Variants in MDN1 observed in about 807,000 individuals in gnomAD.
MDN1 encodes the protein midasin AAA ATPase 1, also known as midasin.
A neutral mutation model predicts 669.2 loss-of-function variants in MDN1; 266 were observed. The observed-to-expected ratio is 0.40, with a 90% CI of 0.36 to 0.44. The LOEUF (loss-of-function observed/expected upper bound fraction) is 0.44. Among genes scored for constraint, MDN1 ranks in the 20% least tolerant of loss-of-function variants. MDN1 has a pLI of 1.00. For synonymous variants in MDN1, 2,385 were observed against 2,457.1 expected (o/e 0.97, Z 0.87); for missense variants, 5,940 against 6,754.0 (o/e 0.88, Z 4.22).
intron 46 of MDN1, 135 bp from the exon 47 acceptor site, chr6:89,713,431 G>T: frequency 1.3e-6 from 1 of 782,038 alleles, no homozygotes; most frequent in Non-Finnish European, 2.0e-6. Flanking sequence ...AACATTCCAA[G>T]TAGACTCTAG....
intron 91 of MDN1, 48 bp from the exon 92 acceptor site, chr6:89,656,016 A>G: frequency 6.5e-7 from 1 of 1,534,038 alleles, no homozygotes. Context: ...TCATGACAAA[A>G]GGACTCAAAG....
chr6:89,808,809 GCTAC>G (rs1335034767), intron 1 of MDN1, among the ~76,000 whole-genome samples: 1 of 152,132 alleles, frequency 6.6e-6, no homozygotes. Flanking sequence ...CCAATCCTAT[GCTAC>G]CTACCTTTCA....
chr6:89,650,914 G>T (rs769318452), intron 95 of MDN1, 67 bp from the exon 96 acceptor site: 51 of 1,342,246 alleles, frequency 3.8e-5, no homozygotes, highest in Non-Finnish European at 5.3e-5. Flanking sequence ...CTAGCAAGAT[G>T]CAGGCTTTAA....
At position 89,803,895 on chromosome 6, in the gene MDN1, C is replaced by CT. The variant is rs56246331; in HGVS notation, c.103-342dup. 6.5e-3 allele frequency among the ~76,000 whole-genome samples: 495 copies of CT among 76,364 alleles called. 1 individual carries two copies. Among genetic ancestry groups the CT allele is most frequent in the South Asian group, 0.013 (24 of 1,888 alleles). The allele number at this position is 76,364 out of a possible 152,430, so 50.1% of individuals were successfully genotyped here. ...CGCGCCCGGCCTTTTCTTTTCTTTT[C>CT]TTTTTTTTTTTTTTTTTTTTTTTGG... On this transcript the variant is annotated intron_variant, in intron 1 of 101. Transcript: ENST00000369393.
intron 38 of MDN1, 105 bp downstream of exon 38, chr6:89,725,094 C>T (rs1562145209): frequency 9.8e-7 from 1 of 1,019,014 alleles, no homozygotes. Flanking sequence ...GATCATTAAG[C>T]TGATCCTCTC....
At position 89,716,716 on chromosome 6, in the gene MDN1, T is replaced by C; in HGVS notation, c.6677A>G (p.Asp2226Gly). 1 of 1,614,112 alleles carries C rather than the reference T, an allele frequency of 6.2e-7. No individual in the cohort carries two copies. The highest frequency in any genetic ancestry group is 8.5e-7 in the Non-Finnish European group (1 of 1,179,966). ...GHSHGTFEWVDSMLVQALKSG... is the reference protein window; with the variant it reads ...GHSHGTFEWVGSMLVQALKSG... ...CTTCAGGGCCTGAACCAACATGCTG[T>C]CAACCCATTCAAATGTGCCATGGCT... The change falls in exon 44 of 102, where the codon GAC becomes GGC. Residue 2226 changes from aspartate to glycine, a missense_variant. Coordinates refer to ENST00000369393, the MANE Select transcript of MDN1 (RefSeq NM_014611.3).
At position 89,719,018 on chromosome 6, in the gene MDN1, C is replaced by T; in HGVS notation, c.6070G>A (p.Val2024Ile). Reference sequence around the variant, plus strand: ...GGAACACAGCTCCCACGGGAAAGGACTGAGTAGCCCAACTGAAAAGACATG... The same window carrying T: ...GGAACACAGCTCCCACGGGAAAGGATTGAGTAGCCCAACTGAAAAGACATG... ...TPYDVQLGYSVLSRGSCVPHP... is the reference protein window; with the variant it reads ...TPYDVQLGYSILSRGSCVPHP... The change falls in exon 42 of 102, where the codon GTC becomes ATC. Residue 2024 changes from valine to isoleucine, a missense_variant. Physicochemically the swap from Val to Ile is conservative, Grantham distance 29 (BLOSUM62 3). Coordinates refer to ENST00000369393, the MANE Select transcript of MDN1 (RefSeq NM_014611.3). 1 of 1,614,124 alleles carries T rather than the reference C, an allele frequency of 6.2e-7. No homozygotes were observed. The highest frequency in any genetic ancestry group is 8.5e-7 in the Non-Finnish European group (1 of 1,179,986).
chr6:89,817,971 G>A (rs1438368189), intron 1 of MDN1, among the ~76,000 whole-genome samples: 5 of 152,014 alleles, frequency 3.3e-5, no homozygotes, highest in African/African-American at 1.2e-4. Flanking sequence ...TTTGTCCCTG[G>A]GAGCAAAATT....
rs534507018 is a variant in MDN1 at position 89,697,798 on chromosome 6, T to A, written c.9168+1067A>T. On this transcript the variant is annotated intron_variant, in intron 59 of 101. Coordinates refer to ENST00000369393, the MANE Select transcript of MDN1 (RefSeq NM_014611.3). ...GGTTTCACCATGTTGGCCAGGCTGG[T>A]CTTGAACTCCTGACCTCAAATGATC... 1.3e-4 allele frequency among the ~76,000 whole-genome samples: 20 copies of A among 152,138 alleles called. No individual in the cohort carries two copies. In the South Asian group the frequency reaches 2.1e-3, roughly 16 times the overall value.
At chr6:89,740,975 T>C (rs1386257801) in intron 31 of MDN1, among the ~76,000 whole-genome samples, 1 of 152,270 alleles carries the variant, frequency 6.6e-6, no homozygotes, top group Non-Finnish European at 1.5e-5. Flanking sequence ...CTCTCGCCTG[T>C]AATCCCAGCA....
At chr6:89,697,965 T>C (rs1204995434) in intron 59 of MDN1, among the ~76,000 whole-genome samples, 1 of 152,164 alleles carries the variant, frequency 6.6e-6, no homozygotes, top group Admixed American at 6.5e-5. Flanking sequence ...CGTGAAAATA[T>C]GTTCAATCTT....
At chr6:89,656,610 CTTTTTT>C in intron 91 of MDN1, 84 bp downstream of exon 91, 1 of 734,026 alleles carries the variant, frequency 1.4e-6, no homozygotes, top group Non-Finnish European at 2.1e-6. Flanking sequence ...AGGAGTATAG[CTTTTTT>C]TTTTTTTTTT....
At position 89,809,784 on chromosome 6, in the gene MDN1, TAAATAAAATAAAATA is replaced by T. The variant is rs58439361; in HGVS notation, c.103-6245_103-6231del. Among the ~76,000 whole-genome samples the T allele has an allele frequency of 0.01, 1,126 of 112,594 alleles. 21 individuals are homozygous for T. The East Asian group carries it at 0.1, about 10-fold the overall frequency. 73.9% of individuals were successfully genotyped at this position (112,594 alleles called of 152,430 possible). A position where few individuals can be genotyped will look rare whatever the true frequency, so the allele number is the denominator to read the frequency against. On this transcript the variant is annotated intron_variant, in intron 1 of 101. Coordinates refer to ENST00000369393, the MANE Select transcript of MDN1 (RefSeq NM_014611.3). The stretch of plus-strand genomic sequence containing the variant: ...GAGCAAGACTCCCTCTCAAAATAAA[TAAATAAAATAAAATA>T]AAATAAAATAAAATAAAATAAAATA...
chr6:89,751,192 A>G (rs1816924830), intron 23 of MDN1, among the ~76,000 whole-genome samples: 1 of 152,218 alleles, frequency 6.6e-6, no homozygotes, highest in South Asian at 2.1e-4. Context: ...CAAAATAACA[A>G]AAGATAACTT....
chr6:89,670,266 C>A (rs1810656524), intron 83 of MDN1, among the ~76,000 whole-genome samples: 1 of 147,514 alleles, frequency 6.8e-6, no homozygotes, highest in Admixed American at 6.8e-5. Flanking sequence ...CTCCGCCTCC[C>A]CGGGTTCAAA....
Position 89,700,313 on chromosome 6 carries a change from G to C in MDN1, c.8639-19C>G. The C allele has an allele frequency of 1.1e-5, 17 of 1,581,304 alleles. No individual in the cohort carries two copies. Among genetic ancestry groups the C allele is most frequent in the Non-Finnish European group, 1.5e-5 (17 of 1,150,496 alleles). On this transcript the variant is annotated intron_variant, in intron 56 of 101. Transcript: ENST00000369393. ...AATTCATCTGGACAAAAAGACAAATGTTGTATGAGAGCACAATGGTTAAGA... is the reference window on the plus strand; with the variant it reads ...AATTCATCTGGACAAAAAGACAAATCTTGTATGAGAGCACAATGGTTAAGA...
rs1816852049 is a variant in MDN1 at position 89,749,715 on chromosome 6, A to T, written c.3443T>A (p.Ile1148Asn). The T allele has an allele frequency of 6.2e-7, 1 of 1,613,672 alleles. No individual in the cohort carries two copies. The highest frequency in any genetic ancestry group is 1.3e-5 in the African/African-American group (1 of 74,926). The change falls in exon 25 of 102, where the codon ATT becomes AAT. Residue 1148 changes from isoleucine to asparagine, a missense_variant. Ile to Asn is a moderately radical substitution (Grantham distance 149). This residue lies in a region of MDN1 where 2,292 missense variants were observed against 2,638.3 expected (regional missense o/e 0.87). Coordinates refer to ENST00000369393, the MANE Select transcript of MDN1 (RefSeq NM_014611.3). ...LIDAMRKGYW[I>N]ILDELNLAPT... ...GGCCAAATTTAATTCATCTAAAATAATCCAATAGCCTTTTCTCATGGCATC... is the reference window on the plus strand; with the variant it reads ...GGCCAAATTTAATTCATCTAAAATATTCCAATAGCCTTTTCTCATGGCATC...
At chr6:89,748,097 C>T (rs563826655) in intron 26 of MDN1, among the ~76,000 whole-genome samples, 10 of 151,776 alleles carry the variant, frequency 6.6e-5, no homozygotes, top group South Asian at 6.2e-4. Flanking sequence ...GAGGCCAAGG[C>T]GGGCGGATCA....
At chr6:89,690,898 T>G in intron 63 of MDN1, 64 bp from the exon 64 acceptor site, 1 of 1,545,618 alleles carries the variant, frequency 6.5e-7, no homozygotes, top group South Asian at 1.2e-5. Flanking sequence ...AAAGGCAAGA[T>G]TTGCTATTAA....
Sources: gnomAD v4.1 joint callset for allele counts (sites outside exome capture counted in the v4.1 genomes callset) on GRCh38, gnomAD v4.1.1 for gene constraint, gnomAD v4.1.1 regional missense constraint, MANE v1.5 for transcripts, NCBI Gene and HGNC (gene_info 2026-07-23, HGNC 2026-07-21) for gene names.